The following KIF26B variants were observed in gnomAD, a reference collection of about 807,000 sequenced individuals.
The protein encoded by KIF26B is kinesin-like protein KIF26B.
KIF26B carries 63 observed loss-of-function variants against 151.2 expected under a neutral mutation model. The observed-to-expected ratio is 0.42, with a 90% CI of 0.34 to 0.51. The LOEUF (loss-of-function observed/expected upper bound fraction) is 0.51. Ranked by LOEUF, KIF26B falls within the 20% of genes least tolerant of loss-of-function variation. The probability of loss-of-function intolerance (pLI) is 0.07; values close to 1 mark genes in which losing one functional copy is unlikely to be tolerated. For missense variants in KIF26B, 2,813 were observed against 2,913.6 expected (o/e 0.97, Z 0.79); for synonymous variants, 1,357 against 1,262.1 (o/e 1.08, Z -1.59).
chr1:245,464,503 G>A (rs1403385349), intron 4 of KIF26B, among the ~76,000 whole-genome samples: 2 of 150,948 alleles, frequency 1.3e-5, no homozygotes, highest in South Asian at 2.1e-4. Flanking sequence ...GTGTGTGGGC[G>A]TGTGCATGTG....
At chr1:245,381,562 T>C (rs1464274060) in intron 3 of KIF26B, among the ~76,000 whole-genome samples, 2 of 148,320 alleles carry the variant, frequency 1.3e-5, no homozygotes, top group African/African-American at 5.3e-5. Flanking sequence ...AAGACAGTTC[T>C]TCTTCTTCCA....
rs975473015 is a variant in KIF26B at position 245,601,271 on chromosome 1, G to A, written c.1351-1306G>A. Among the ~76,000 whole-genome samples the A allele has an allele frequency of 5.9e-5, 9 of 152,188 alleles. No homozygotes were observed. Among genetic ancestry groups the A allele is most frequent in the Non-Finnish European group, 1.3e-4 (9 of 68,030 alleles). ...CGGGGACACGGTGCAGGACACCTGC[G>A]GACCCAGTGCCCTTGGGATTCTTTA... On this transcript the variant is annotated intron_variant, in intron 5 of 14. Coordinates refer to ENST00000407071, the MANE Select transcript of KIF26B (RefSeq NM_018012.4). The surrounding 1 kb of genome is among the most constrained non-coding windows in gnomAD (Gnocchi z 4.4).
intron 2 of KIF26B, among the ~76,000 whole-genome samples, chr1:245,293,833 C>T (rs567693960): frequency 1.3e-5 from 2 of 152,178 alleles, no homozygotes; most frequent in Non-Finnish European, 2.9e-5. Context: ...CCGCCTCGGC[C>T]TCCCAAAGTG....
chr1:245,527,723 C>T (rs1046437332), intron 4 of KIF26B, among the ~76,000 whole-genome samples: 2 of 151,226 alleles, frequency 1.3e-5, no homozygotes, highest in South Asian at 4.2e-4. Context: ...TTAGTAGAGA[C>T]GGGGTTTCAC....
chr1:245,583,789 C>T (rs964629881), intron 5 of KIF26B, among the ~76,000 whole-genome samples: 1 of 152,182 alleles, frequency 6.6e-6, no homozygotes, highest in African/African-American at 2.4e-5. Flanking sequence ...TTCGCTTACC[C>T]AACGAAGCAT....
intron 5 of KIF26B, among the ~76,000 whole-genome samples, chr1:245,576,603 A>C (rs1176058447): frequency 6.6e-6 from 1 of 152,194 alleles, no homozygotes; most frequent in Non-Finnish European, 1.5e-5. Context: ...GCCAGTAGAT[A>C]GGTTTCCCTG....
At chr1:245,385,465 C>G (rs1193480349) in intron 3 of KIF26B, among the ~76,000 whole-genome samples, 1 of 152,206 alleles carries the variant, frequency 6.6e-6, no homozygotes, top group Non-Finnish European at 1.5e-5. Flanking sequence ...ATGCTTAGAA[C>G]CAGGCGTTTG....
intron 4 of KIF26B, among the ~76,000 whole-genome samples, chr1:245,473,041 G>C (rs1434974750): frequency 2.6e-5 from 4 of 152,188 alleles, no homozygotes; most frequent in African/African-American, 4.8e-5. Context: ...TCTCTGTCTC[G>C]TGCAACTTAC....
chr1:245,491,722 A>T (rs1321518414), intron 4 of KIF26B, among the ~76,000 whole-genome samples: 1 of 152,186 alleles, frequency 6.6e-6, no homozygotes, highest in Non-Finnish European at 1.5e-5. Context: ...AGCCTGGCCA[A>T]CATAGTGAAA....
chr1:245,266,644 C>A (rs959605917), intron 2 of KIF26B, among the ~76,000 whole-genome samples: 3 of 152,034 alleles, frequency 2.0e-5, no homozygotes, highest in African/African-American at 7.2e-5. Flanking sequence ...TTAGCTGGGA[C>A]TACAGGCGCC....
At chr1:245,427,815 C>T (rs1311525091) in intron 4 of KIF26B, among the ~76,000 whole-genome samples, 1 of 152,198 alleles carries the variant, frequency 6.6e-6, no homozygotes, top group South Asian at 2.1e-4. Context: ...TTCTCACATT[C>T]CAGATCTCAG....
intron 5 of KIF26B, among the ~76,000 whole-genome samples, chr1:245,542,905 T>G (rs555623899): frequency 6.6e-6 from 1 of 152,318 alleles, no homozygotes; most frequent in East Asian, 1.9e-4. Flanking sequence ...CTTCCCCTCC[T>G]GTACTCTAAG....
intron 9 of KIF26B, among the ~76,000 whole-genome samples, chr1:245,624,833 T>G (rs2043706054): frequency 1.3e-5 from 2 of 152,206 alleles, no homozygotes; most frequent in African/African-American, 2.4e-5. Flanking sequence ...AGGTTTCTTC[T>G]TATGCCTCCT....
intron 3 of KIF26B, among the ~76,000 whole-genome samples, chr1:245,380,612 T>G (rs997787177): frequency 1.3e-5 from 2 of 152,188 alleles, no homozygotes; most frequent in African/African-American, 4.8e-5. Context: ...TCAGGCGACC[T>G]GTGCCAGGTC....
In KIF26B at chr1:245,606,224, T is replaced by A. The variant is rs1393273219; in HGVS notation, c.1558-1427T>A. On this transcript the variant is annotated intron_variant, in intron 6 of 14. Coordinates refer to ENST00000407071, the MANE Select transcript of KIF26B (RefSeq NM_018012.4). The surrounding 1 kb of genome is among the most constrained non-coding windows in gnomAD (Gnocchi z 4.6). The stretch of plus-strand genomic sequence containing the variant: ...CCCGCAGAGTTGCTGGGGACCACCC[T>A]GGAACAAGTGACAGCTGTTGGAAGT... 6.6e-6 allele frequency among the ~76,000 whole-genome samples: 1 copy of A among 152,146 alleles called. No homozygotes were observed. Among genetic ancestry groups the A allele is most frequent in the African/African-American group, 2.4e-5 (1 of 41,446 alleles).
chr1:245,529,905 A>T (rs1182321593), intron 4 of KIF26B, among the ~76,000 whole-genome samples: 2 of 152,196 alleles, frequency 1.3e-5, no homozygotes, highest in African/African-American at 2.4e-5. Flanking sequence ...AATGGGAGAA[A>T]ATATTTGCAA....
chr1:245,199,583 A>G (rs1558342585), intron 2 of KIF26B, among the ~76,000 whole-genome samples: 1 of 151,152 alleles, frequency 6.6e-6, no homozygotes, highest in Non-Finnish European at 1.5e-5. Context: ...GGTTCAAGTG[A>G]TTCTTCTGCC....
Position 245,687,170 on chromosome 1 carries a change from G to T in KIF26B, c.4187G>T (p.Cys1396Phe). The change falls in exon 12 of 15, where the codon TGC becomes TTC. Residue 1396 changes from cysteine (C) to phenylalanine (F), a missense_variant. Coordinates refer to ENST00000407071, the MANE Select transcript of KIF26B (RefSeq NM_018012.4). The surrounding 1 kb of genome is among the most constrained non-coding windows in gnomAD (Gnocchi z 4.9). The part of the protein sequence containing the change: ...PMKTNITVYP[C>F]IAMSPRNIQE... The stretch of plus-strand genomic sequence containing the variant: ...AAGACCAATATCACAGTTTACCCCT[G>T]CATTGCCATGAGCCCCCGGAACATC... 1.9e-6 allele frequency: 3 copies of T among 1,612,942 alleles called. No individual in the cohort carries two copies. Among genetic ancestry groups the T allele is most frequent in the Non-Finnish European group, 2.5e-6 (3 of 1,179,684 alleles).
rs2044811695 is a variant in KIF26B, at chr1:245,704,237, TA to T, written c.*1632del. 1 of 152,256 alleles carries T rather than the reference TA, an allele frequency of 6.6e-6. No homozygotes were observed. The highest frequency in any genetic ancestry group is 1.5e-5 in the Non-Finnish European group (1 of 68,060). 9.4% of individuals were successfully genotyped at this position (152,256 alleles called of 1,614,324 possible). A position where few individuals can be genotyped will look rare whatever the true frequency, so the allele number is the denominator to read the frequency against. ...CAAATGCAGCATATCTTCATGAGCC[TA>T]TTTATTTCCAAGCTAGGCTGTCTTT... On this transcript the variant is annotated 3_prime_UTR_variant, in exon 15 of 15. Coordinates refer to ENST00000407071, the MANE Select transcript of KIF26B (RefSeq NM_018012.4).
Sources: gnomAD v4.1 joint callset for allele counts (sites outside exome capture counted in the v4.1 genomes callset) on GRCh38, gnomAD v4.1.1 for gene constraint, Gnocchi (gnomAD v3.1) non-coding constraint, MANE v1.5 for transcripts, NCBI Gene and HGNC (gene_info 2026-07-23, HGNC 2026-07-21) for gene names.